YBEY: variants seen among roughly 807,000 people sequenced by gnomAD.
YBEY encodes endoribonuclease YbeY.
YBEY carries 15 observed loss-of-function variants against 13.5 expected under a neutral mutation model. The ratio of observed to expected loss-of-function variants is 1.11; its 90% confidence interval spans 0.75 to 1.72. YBEY has a LOEUF of 1.72. Ranked by LOEUF, YBEY falls within the 40% of genes most tolerant of loss-of-function variation. YBEY has a pLI of 0.00. For missense variants in YBEY, 244 were observed against 208.4 expected (o/e 1.17, Z -1.05); for synonymous variants, 101 against 83.1 (o/e 1.21, Z -1.17).
At position 46,295,044 on chromosome 21, in the gene YBEY, C is replaced by G. The variant is rs566168496; in HGVS notation, c.340-1118C>G. 7.9e-5 allele frequency among the ~76,000 whole-genome samples: 12 copies of G among 152,296 alleles called. 1 individual carries two copies. The highest frequency in any genetic ancestry group is 2.9e-4 in the African/African-American group (12 of 41,558). ...AGTTTCTGAGAGTGACAGGAAGTGG[C>G]CCAGCCGGAGATTCAGCCCTGGGAT... On this transcript the variant is annotated intron_variant, in intron 3 of 4. Transcript: ENST00000397701.
chr21:46,292,608 G>C (rs367724939), intron 3 of YBEY, among the ~76,000 whole-genome samples: 1,546 of 109,862 alleles, frequency 0.014, 4 homozygotes, highest in African/African-American at 0.026. Context: ...ACCCGTGCCC[G>C]GGACTCAGTG....
chr21:46,313,152 G>T, the YBEY span: 5 of 683,372 alleles, frequency 7.3e-6, no homozygotes, highest in Non-Finnish European at 7.2e-6. Context: ...GGCCATTGCA[G>T]CATGAAAGCA....
At chr21:46,298,446 T>TTTTTTTTTTTTTTTA (rs1375821400), downstream of YBEY, among the ~76,000 whole-genome samples, 2 of 139,732 alleles carry the variant, frequency 1.4e-5, no homozygotes, top group African/African-American at 2.6e-5. Flanking sequence ...TTTTTTTTTT[T>TTTTTTTTTTTTTTTA]GAGACGGAGT....
At chr21:46,298,498 G>A (rs1174697699), downstream of YBEY, among the ~76,000 whole-genome samples, 3 of 140,938 alleles carry the variant, frequency 2.1e-5, no homozygotes, top group East Asian at 2.1e-4. Flanking sequence ...GTGCGATCTC[G>A]GCTCACTACA....
At chr21:46,302,720 G>A (rs1395283382), downstream of YBEY, 11 of 657,318 alleles carry the variant, frequency 1.7e-5, no homozygotes, top group East Asian at 2.0e-4. Context: ...GTCTGCACAC[G>A]GTGCGGGTCC....
At chr21:46,299,843 A>G (rs147827980), downstream of YBEY, among the ~76,000 whole-genome samples, 277 of 151,984 alleles carry the variant, frequency 1.8e-3, 2 homozygotes, top group Non-Finnish European at 3.2e-3. Flanking sequence ...ACCCCTGCCA[A>G]GTAGCCCAAG....
the YBEY span, among the ~76,000 whole-genome samples, chr21:46,303,790 C>T: frequency 2.4e-5 from 3 of 122,778 alleles, no homozygotes; most frequent in African/African-American, 9.4e-5. Flanking sequence ...CTTGCTCTGT[C>T]GCCGAGGCTG....
intron 2 of YBEY, among the ~76,000 whole-genome samples, chr21:46,287,765 T>G (rs1438318572): frequency 6.6e-6 from 1 of 151,684 alleles, no homozygotes; most frequent in Non-Finnish European, 1.5e-5. Flanking sequence ...CCGAGGCGGG[T>G]GGTTCACCTG....
intron 3 of YBEY, among the ~76,000 whole-genome samples, chr21:46,294,548 A>G (rs1433469829): frequency 4.3e-5 from 3 of 69,756 alleles, no homozygotes; most frequent in South Asian, 5.5e-4. Flanking sequence ...CAGTGGAGTC[A>G]GCCACACAAG....
At chr21:46,287,840 G>T (rs2081523622) in intron 2 of YBEY, among the ~76,000 whole-genome samples, 1 of 150,416 alleles carries the variant, frequency 6.6e-6, no homozygotes, top group Admixed American at 6.7e-5. Flanking sequence ...AAAACACAAA[G>T]AATTAGCTGG....
the YBEY span, chr21:46,311,546 T>C: frequency 6.2e-7 from 1 of 1,611,280 alleles, no homozygotes; most frequent in Non-Finnish European, 8.5e-7. Context: ...TGCTGAATGA[T>C]GGTGGCAGGA....
downstream of YBEY, among the ~76,000 whole-genome samples, chr21:46,298,420 A>AGCT (rs1316204296): frequency 4.7e-5 from 6 of 127,080 alleles, no homozygotes; most frequent in Non-Finnish European, 1.0e-4. Context: ...AAATGGAGTC[A>AGCT]GCTTTAATCC....
chr21:46,287,352 C>T (rs2081492819), intron 2 of YBEY, among the ~76,000 whole-genome samples: 1 of 152,040 alleles, frequency 6.6e-6, no homozygotes, highest in South Asian at 2.1e-4. Flanking sequence ...GGCCACCACG[C>T]CTGGCTAATT....
the YBEY span, among the ~76,000 whole-genome samples, chr21:46,305,427 T>G: frequency 6.7e-6 from 1 of 149,504 alleles, no homozygotes; most frequent in Non-Finnish European, 1.5e-5. Context: ...CCTCCTGGGC[T>G]CAAGGGATCC....
chr21:46,296,475 C>T (rs2839203), intron 4 of YBEY, among the ~76,000 whole-genome samples: 6 of 152,178 alleles, frequency 3.9e-5, no homozygotes, highest in African/African-American at 1.4e-4. Context: ...GACACTAGCA[C>T]GTGGCGCTTG....
chr21:46,291,260 C>G (rs973229357), intron 2 of YBEY, 74 bp from the exon 3 acceptor site: 1 of 1,577,550 alleles, frequency 6.3e-7, no homozygotes, highest in Non-Finnish European at 8.6e-7. Flanking sequence ...TTGGGATTAA[C>G]CAGGATGAAA....
intron 3 of YBEY, chr21:46,291,792 G>A: frequency 9.2e-7 from 1 of 1,089,096 alleles, no homozygotes; most frequent in East Asian, 8.1e-5. Context: ...AAGTACAGAA[G>A]TTGGAGCCTC....
At position 46,288,664 on chromosome 21, in the gene YBEY, C is replaced by T. The variant is rs532594996; in HGVS notation, c.210+1541C>T. Among the ~76,000 whole-genome samples, 10 of 145,446 alleles carry T rather than the reference C, an allele frequency of 6.9e-5. No homozygotes were observed. In the South Asian group the frequency reaches 2.0e-3, roughly 29 times the overall value. ...ACTGCACTCCAGCCTGGCGACAGAG[C>T]GAGACTCCGTCTCAAAAAGAAAAAA... is the stretch of plus-strand genomic sequence containing the variant. On this transcript the variant is annotated intron_variant, in intron 2 of 4. Transcript: ENST00000397701.
chr21:46,295,747 G>A (rs1289086125), intron 3 of YBEY, among the ~76,000 whole-genome samples: 1 of 152,190 alleles, frequency 6.6e-6, no homozygotes, highest in Non-Finnish European at 1.5e-5. Context: ...TTGGACCTGG[G>A]GTGTGGGCTG....
Sources: allele counts gnomAD v4.1 joint callset (sites outside exome capture counted in the v4.1 genomes callset), GRCh38; gene constraint gnomAD v4.1.1; transcripts MANE v1.5; gene names NCBI Gene and HGNC (gene_info 2026-07-23, HGNC 2026-07-21).